The following DYNC2H1 variants were observed in gnomAD, a reference collection of about 807,000 sequenced individuals.
DYNC2H1 encodes the protein dynein cytoplasmic 2 heavy chain 1.
In DYNC2H1, 410 loss-of-function variants were observed where a neutral mutation model predicts 570.0. That is an observed-to-expected ratio of 0.72 (90% CI 0.66 to 0.78). The LOEUF is 0.78. Among genes scored for constraint, DYNC2H1 ranks in the 30% least tolerant of loss-of-function variants. The pLI is 0.00. For synonymous variants in DYNC2H1, 1,688 were observed against 1,677.6 expected (o/e 1.01, Z -0.15); for missense variants, 4,865 against 5,046.4 (o/e 0.96, Z 1.09).
intron 77 of DYNC2H1, among the ~76,000 whole-genome samples, chr11:103,307,035 G>A (rs1364534036): frequency 6.6e-6 from 1 of 152,112 alleles, no homozygotes; most frequent in Non-Finnish European, 1.5e-5. Context: ...ATTCCACTAA[G>A]ACATAATATT....
chr11:103,393,573 A>C (rs1392423063), intron 83 of DYNC2H1, among the ~76,000 whole-genome samples: 1 of 152,202 alleles, frequency 6.6e-6, no homozygotes, highest in African/African-American at 2.4e-5. Flanking sequence ...TTACTTTTGC[A>C]CCAACTTTAT....
intron 83 of DYNC2H1, among the ~76,000 whole-genome samples, chr11:103,367,159 G>C (rs1048154533): frequency 8.5e-5 from 13 of 152,058 alleles, no homozygotes; most frequent in Non-Finnish European, 1.8e-4. Flanking sequence ...GTGGCTAAAT[G>C]TTATTCAGAT....
rs1055941253 is a variant in DYNC2H1, at chr11:103,254,269, C to T, written c.10206+821C>T. Among the ~76,000 whole-genome samples the T allele has an allele frequency of 2.6e-5, 4 of 152,028 alleles. No individual in the cohort carries two copies. The highest frequency in any genetic ancestry group is 5.9e-5 in the Non-Finnish European group (4 of 67,976). On this transcript the variant is annotated intron_variant, in intron 66 of 88. Coordinates refer to ENST00000375735, the MANE Select transcript of DYNC2H1 (RefSeq NM_001377.3). The surrounding 1 kb of genome is among the most constrained non-coding windows in gnomAD (Gnocchi z 4.9). ...TTCAAAACTTGGCAGAATTAATTGACAGAATTGCTCCTGCTGTGTAAAAGA... is the reference window on the plus strand; with the variant it reads ...TTCAAAACTTGGCAGAATTAATTGATAGAATTGCTCCTGCTGTGTAAAAGA...
chr11:103,443,355 T>C (rs1278302054), intron 85 of DYNC2H1, among the ~76,000 whole-genome samples: 2 of 152,018 alleles, frequency 1.3e-5, no homozygotes, highest in Non-Finnish European at 2.9e-5. Flanking sequence ...GCAAGGAAAG[T>C]AGTGATTGGT....
chr11:103,321,276 G>C (rs777348019), intron 81 of DYNC2H1, 39 bp downstream of exon 81: 1 of 1,514,330 alleles, frequency 6.6e-7, no homozygotes, highest in South Asian at 1.2e-5. Context: ...TTTCCAGGTA[G>C]ATACGTGAAT....
intron 82 of DYNC2H1, among the ~76,000 whole-genome samples, chr11:103,349,562 G>T (rs1248521469): frequency 1.3e-5 from 2 of 152,078 alleles, no homozygotes; most frequent in African/African-American, 4.8e-5. Flanking sequence ...CACAAAATAT[G>T]AATATATGTG....
At chr11:103,220,352 A>G (rs1323135103) in intron 56 of DYNC2H1, among the ~76,000 whole-genome samples, 1 of 152,186 alleles carries the variant, frequency 6.6e-6, no homozygotes, top group Non-Finnish European at 1.5e-5. Flanking sequence ...GTCCTAGGAT[A>G]TAAAGAGCCT....
chr11:103,174,049 T>C lies in DYNC2H1; in HGVS notation c.5559-6T>C, dbSNP rs369043863. On this transcript the variant is annotated splice_region_variant and splice_polypyrimidine_tract_variant and intron_variant, in intron 35 of 88. Coordinates refer to ENST00000375735, the MANE Select transcript of DYNC2H1 (RefSeq NM_001377.3). ...TGATGTGTTGATTTCCATGTCTCTA[T>C]TTCAGGGAACTTTTGACACCTCAGC... 1.5e-4 allele frequency: 230 copies of C among 1,569,800 alleles called. No individual in the cohort carries two copies. In the African/African-American group the frequency reaches 2.9e-3, roughly 20 times the overall value.
chr11:103,469,450 T>C (rs952540945), intron 88 of DYNC2H1, among the ~76,000 whole-genome samples: 1 of 152,202 alleles, frequency 6.6e-6, no homozygotes, highest in Non-Finnish European at 1.5e-5. Flanking sequence ...GCAACAAAAC[T>C]ATTTCATATA....
intron 82 of DYNC2H1, among the ~76,000 whole-genome samples, chr11:103,342,213 T>C (rs982752165): frequency 2.6e-5 from 4 of 152,102 alleles, no homozygotes; most frequent in Non-Finnish European, 5.9e-5. Context: ...AGGGTACCAA[T>C]TGGCACTCTG....
intron 84 of DYNC2H1, chr11:103,407,721 G>C (rs1351356506): frequency 1.3e-5 from 2 of 151,916 alleles, no homozygotes; most frequent in African/African-American, 4.8e-5. Flanking sequence ...CTATAAAGAA[G>C]AGGGCAAATG....
chr11:103,222,826 T>A, intron 58 of DYNC2H1, 139 bp from the exon 59 acceptor site: 2 of 881,608 alleles, frequency 2.3e-6, no homozygotes, highest in Non-Finnish European at 3.4e-6. Flanking sequence ...GTTCACTGTA[T>A]TTTTATTTTA....
chr11:103,325,423 C>T lies in DYNC2H1; in HGVS notation c.12039+1433C>T, dbSNP rs1318892360. On this transcript the variant is annotated intron_variant, in intron 82 of 88. Coordinates refer to ENST00000375735, the MANE Select transcript of DYNC2H1 (RefSeq NM_001377.3). The surrounding 1 kb of genome is among the most constrained non-coding windows in gnomAD (Gnocchi z 4.8). Reference sequence around the variant, plus strand: ...GAGTGGGTCTAGTTTCCATCTTCTTCACATGGCTAGGTAGTTAACCCAGTA... The same window carrying T: ...GAGTGGGTCTAGTTTCCATCTTCTTTACATGGCTAGGTAGTTAACCCAGTA... Among the ~76,000 whole-genome samples the T allele has an allele frequency of 6.6e-6, 1 of 152,198 alleles. No individual in the cohort carries two copies. The highest frequency in any genetic ancestry group is 1.5e-5 in the Non-Finnish European group (1 of 68,034).
chr11:103,187,305 T>G (rs762407756), intron 42 of DYNC2H1, 35 bp from the exon 43 acceptor site: 1 of 1,608,240 alleles, frequency 6.2e-7, no homozygotes, highest in Non-Finnish European at 8.5e-7. Flanking sequence ...TTGGTTGCAT[T>G]TTTATCAAAG....
intron 70 of DYNC2H1, among the ~76,000 whole-genome samples, chr11:103,272,612 C>T (rs1217937295): frequency 6.6e-6 from 1 of 152,112 alleles, no homozygotes; most frequent in African/African-American, 2.4e-5. Flanking sequence ...AATTCTAGTG[C>T]ATCCTGCTTG....
rs966589438 is a variant in DYNC2H1, at chr11:103,479,854, C to G, written c.*601C>G. ...TAAATTCTGGTTATTAAACATTCAGCTTTTTTGTGTTTTTGTTGTTGTTTT... is the reference window on the plus strand; with the variant it reads ...TAAATTCTGGTTATTAAACATTCAGGTTTTTTGTGTTTTTGTTGTTGTTTT... On this transcript the variant is annotated 3_prime_UTR_variant, in exon 89 of 89. Transcript: ENST00000375735. The G allele has an allele frequency of 6.6e-6, 1 of 151,864 alleles. No homozygotes were observed. The highest frequency in any genetic ancestry group is 2.4e-5 in the African/African-American group (1 of 41,348). The allele number at this position is 151,864 out of a possible 1,614,324, so 9.4% of individuals were successfully genotyped here.
rs1375820865 is a variant in DYNC2H1 at position 103,186,102 on chromosome 11, T to C, written c.6634-140T>C. 3.9e-6 allele frequency: 3 copies of C among 776,346 alleles called. No individual in the cohort carries two copies. The East Asian group carries it at 8.1e-5, about 21-fold the overall frequency. The allele number at this position is 776,346 out of a possible 1,614,324, so 48.1% of individuals were successfully genotyped here. A position where few individuals can be genotyped will look rare whatever the true frequency, so the allele number is the denominator to read the frequency against. The stretch of plus-strand genomic sequence containing the variant: ...AAATATTTGAGATAAAATGTTACAT[T>C]AATGATAAAATAGGTTTAGTTTATG... On this transcript the variant is annotated intron_variant, in intron 41 of 88. Coordinates refer to ENST00000375735, the MANE Select transcript of DYNC2H1 (RefSeq NM_001377.3). This position sits in a 1 kb window ranked among gnomAD's most constrained non-coding sequence, Gnocchi z 4.5.
At chr11:103,399,448 G>T (rs758869268) in intron 83 of DYNC2H1, among the ~76,000 whole-genome samples, 1 of 151,796 alleles carries the variant, frequency 6.6e-6, no homozygotes, top group Admixed American at 6.6e-5. Flanking sequence ...GAGCCACCGC[G>T]CCTGGCCCAC....
intron 83 of DYNC2H1, among the ~76,000 whole-genome samples, chr11:103,367,746 C>T (rs2135547465): frequency 6.6e-6 from 1 of 152,160 alleles, no homozygotes; most frequent in East Asian, 1.9e-4. Context: ...TGTTGAACAA[C>T]CTCTTTTTAT....
Sources: gnomAD v4.1 joint callset for allele counts (sites outside exome capture counted in the v4.1 genomes callset) on GRCh38, gnomAD v4.1.1 for gene constraint, Gnocchi (gnomAD v3.1) non-coding constraint, MANE v1.5 for transcripts, NCBI Gene and HGNC (gene_info 2026-07-23, HGNC 2026-07-21) for gene names.